The following COL18A1 variants were observed in gnomAD, a reference collection of about 807,000 sequenced individuals.
The protein encoded by COL18A1 is collagen alpha-1(XVIII) chain.
A neutral mutation model predicts 168.0 loss-of-function variants in COL18A1; 133 were observed. That is an observed-to-expected ratio of 0.79 (90% CI 0.69 to 0.91). COL18A1 has a LOEUF of 0.91. Ranked by LOEUF, COL18A1 falls within the 40% of genes least tolerant of loss-of-function variation. The pLI, the probability that COL18A1 is intolerant of heterozygous loss-of-function variation, is 0.00. For synonymous variants in COL18A1, 949 were observed against 809.0 expected, an observed-to-expected ratio of 1.17 and a Z score of -2.94; for missense variants, 2,126 against 1,925.4, an observed-to-expected ratio of 1.10 and a Z score of -1.95.
chr21:45,438,326 G>GCACA (rs745752564), intron 2 of COL18A1, among the ~76,000 whole-genome samples: 1 of 46,954 alleles, frequency 2.1e-5, no homozygotes, highest in African/African-American at 1.0e-4. Context: ...GCACTCTCCT[G>GCACA]CACACACACA....
intron 2 of COL18A1, among the ~76,000 whole-genome samples, chr21:45,449,153 C>T (rs1449271435): frequency 6.6e-6 from 1 of 152,226 alleles, no homozygotes; most frequent in Non-Finnish European, 1.5e-5. Flanking sequence ...CACCAGTGAT[C>T]CATCTCCTGT....
chr21:45,508,380 G>A (rs2037364666), intron 38 of COL18A1, among the ~76,000 whole-genome samples: 1 of 151,156 alleles, frequency 6.6e-6, no homozygotes, highest in Non-Finnish European at 1.5e-5. Context: ...GTGGATGGAT[G>A]GTGGGCAGAT....
chr21:45,501,283 A>G (rs964640624), intron 32 of COL18A1, among the ~76,000 whole-genome samples: 4 of 152,064 alleles, frequency 2.6e-5, no homozygotes, highest in African/African-American at 9.7e-5. Flanking sequence ...AGTGAAAAAG[A>G]AAAACACAAA....
chr21:45,495,752 A>ACACATGCCCATACACTC (rs2036516306), intron 29 of COL18A1: 3 of 389,292 alleles, frequency 7.7e-6, no homozygotes, highest in South Asian at 2.1e-5. Context: ...TCATGTGTGT[A>ACACATGCCCATACACTC]CACATGCCCA....
At chr21:45,452,255 G>A (rs139203376) in intron 2 of COL18A1, among the ~76,000 whole-genome samples, 98 of 152,378 alleles carry the variant, frequency 6.4e-4, no homozygotes, top group African/African-American at 2.2e-3. Flanking sequence ...GCAACACCAG[G>A]GTGCTTTCTG....
At chr21:45,453,136 G>A (rs1452269928) in intron 2 of COL18A1, among the ~76,000 whole-genome samples, 5 of 151,564 alleles carry the variant, frequency 3.3e-5, no homozygotes, top group Admixed American at 6.6e-5. Flanking sequence ...TTGTGTATGC[G>A]AGTATTCACA....
chr21:45,413,477 G>T (rs2033357647), intron 2 of COL18A1, among the ~76,000 whole-genome samples: 5 of 152,246 alleles, frequency 3.3e-5, no homozygotes, highest in Admixed American at 3.3e-4. Flanking sequence ...CGGCTGTCAG[G>T]AGACTTCTGA....
At chr21:45,435,204 G>C (rs1417082400) in intron 2 of COL18A1, among the ~76,000 whole-genome samples, 1 of 147,318 alleles carries the variant, frequency 6.8e-6, no homozygotes, top group East Asian at 2.0e-4. Flanking sequence ...GAAGTGGGTA[G>C]GGGGTCGATG....
chr21:45,475,533 A>C lies in COL18A1; in HGVS notation c.796A>C (p.Thr266Pro), dbSNP rs2145915703. ...GDARELLREE[T>P]GAALKPRLPA... Reference sequence around the variant, plus strand: ...CGCCCGGGAGCTTCTCAGGGAGGAGACGGTGAGTAGCCGGACGGGGCCCAG... The same window carrying C: ...CGCCCGGGAGCTTCTCAGGGAGGAGCCGGTGAGTAGCCGGACGGGGCCCAG... The change falls in exon 5 of 42, where the codon ACG becomes CCG. Residue 266 changes from threonine (T) to proline (P), a missense_variant and splice_region_variant. By Grantham distance (38) the Thr-to-Pro change is conservative. Transcript: ENST00000651438. 6.2e-7 allele frequency: 1 copy of C among 1,605,600 alleles called. No homozygotes were observed. Among genetic ancestry groups the C allele is most frequent in the Non-Finnish European group, 8.5e-7 (1 of 1,177,800 alleles).
At chr21:45,449,738 C>T (rs1022126521) in intron 2 of COL18A1, among the ~76,000 whole-genome samples, 7 of 152,182 alleles carry the variant, frequency 4.6e-5, no homozygotes, top group African/African-American at 1.4e-4. Context: ...GCCACCCGGC[C>T]CTCTCACTGT....
chr21:45,414,496 C>A (rs899689113), intron 2 of COL18A1, among the ~76,000 whole-genome samples: 5 of 152,346 alleles, frequency 3.3e-5, no homozygotes, highest in African/African-American at 1.2e-4. Flanking sequence ...CCCAATTCAG[C>A]CTTTCCTGTC....
chr21:45,435,808 C>T (rs957932514), intron 2 of COL18A1, among the ~76,000 whole-genome samples: 9 of 152,294 alleles, frequency 5.9e-5, no homozygotes, highest in Admixed American at 2.0e-4. Context: ...CAGGTCTGCT[C>T]GGAGGGTGTC....
intron 2 of COL18A1, among the ~76,000 whole-genome samples, chr21:45,451,208 C>T (rs532636342): frequency 1.1e-4 from 17 of 152,314 alleles, no homozygotes; most frequent in Admixed American, 5.9e-4. Flanking sequence ...GCCAGATGGC[C>T]GGCCAGCGGG....
chr21:45,496,394 G>T, intron 29 of COL18A1, 106 bp from the exon 30 acceptor site: 1 of 778,698 alleles, frequency 1.3e-6, no homozygotes, highest in Non-Finnish European at 2.4e-6. Context: ...TCAGAGGTCT[G>T]CCTGGTCAGG....
At chr21:45,415,741 G>A (rs748502263) in intron 2 of COL18A1, among the ~76,000 whole-genome samples, 2 of 152,226 alleles carry the variant, frequency 1.3e-5, no homozygotes, top group South Asian at 2.1e-4. Context: ...AGGCAAAGGC[G>A]CAGAAGCACT....
chr21:45,501,457 AC>A (rs139992050), intron 32 of COL18A1, among the ~76,000 whole-genome samples: 3,896 of 152,184 alleles, frequency 0.026, 119 homozygotes, highest in African/African-American at 0.067. Context: ...AGGAACTGTG[AC>A]CCCACGAGTG....
chr21:45,481,033 G>A (rs917749770), intron 13 of COL18A1, among the ~76,000 whole-genome samples, 175 bp downstream of exon 13: 3 of 152,192 alleles, frequency 2.0e-5, no homozygotes, highest in South Asian at 2.1e-4. Context: ...TGGGGTGTGC[G>A]GAAGCACCTG....
intron 29 of COL18A1, chr21:45,496,055 A>C: frequency 8.5e-6 from 3 of 351,492 alleles, no homozygotes; most frequent in South Asian, 2.2e-5. Flanking sequence ...TCAGCAGGGC[A>C]TCCATGGGCC....
At chr21:45,437,813 T>C (rs1602382936) in intron 2 of COL18A1, among the ~76,000 whole-genome samples, 1 of 38,780 alleles carries the variant, frequency 2.6e-5, no homozygotes, top group African/African-American at 2.8e-4. Flanking sequence ...GGCACTCTCC[T>C]GCACACACTC....
Sources: allele counts gnomAD v4.1 joint callset (sites outside exome capture counted in the v4.1 genomes callset), GRCh38; gene constraint gnomAD v4.1.1; transcripts MANE v1.5; gene names NCBI Gene and HGNC (gene_info 2026-07-23, HGNC 2026-07-21).